The following UBE3D variants were observed in gnomAD, a reference collection of about 807,000 sequenced individuals.
The protein encoded by UBE3D is ubiquitin protein ligase E3D.
A neutral mutation model predicts 49.6 loss-of-function variants in UBE3D; 48 were observed. The observed-to-expected ratio is 0.97, with a 90% confidence interval of 0.77 to 1.23. The LOEUF (loss-of-function observed/expected upper bound fraction) is 1.23. Ranked by LOEUF, UBE3D falls within the 50% of genes most tolerant of loss-of-function variation. The pLI is 0.00. For synonymous variants in UBE3D, 189 were observed against 174.2 expected, an observed-to-expected ratio of 1.08 and a Z score of -0.67; for missense variants, 452 against 468.4, an observed-to-expected ratio of 0.96 and a Z score of 0.32.
chr6:82,925,339 C>T (rs539468977), intron 9 of UBE3D, among the ~76,000 whole-genome samples: 1 of 152,262 alleles, frequency 6.6e-6, no homozygotes, highest in Non-Finnish European at 1.5e-5. Context: ...GCCTACACAG[C>T]ACTTTTTCAA....
rs796584199 is a variant in UBE3D, at chr6:82,969,942, A to G, written c.1011-12492T>C. Among the ~76,000 whole-genome samples the G allele has an allele frequency of 4.0e-5, 6 of 151,640 alleles. No individual in the cohort carries two copies. The South Asian group carries it at 1.2e-3, about 31-fold the overall frequency. On this transcript the variant is annotated intron_variant, in intron 8 of 9. Coordinates refer to ENST00000369747, the MANE Select transcript of UBE3D (RefSeq NM_198920.3). ...TAATAAAACTAATGTAATCAAGTCA[A>G]AATGGTGTTAATATAGAAGTAGACA...
intron 9 of UBE3D, among the ~76,000 whole-genome samples, chr6:82,940,732 G>A (rs1185653356): frequency 6.6e-6 from 1 of 152,110 alleles, no homozygotes; most frequent in African/African-American, 2.4e-5. Flanking sequence ...CATATATAAT[G>A]TCCCCAAGGC....
intron 5 of UBE3D, among the ~76,000 whole-genome samples, chr6:83,033,791 T>A (rs993035671): frequency 5.3e-5 from 8 of 152,200 alleles, no homozygotes; most frequent in African/African-American, 1.7e-4. Flanking sequence ...TATTTCTTTA[T>A]AGCAATGGAG....
chr6:82,999,723 C>A (rs1363610519), intron 8 of UBE3D, among the ~76,000 whole-genome samples: 3 of 152,068 alleles, frequency 2.0e-5, no homozygotes, highest in Non-Finnish European at 2.9e-5. Context: ...CAGTCTAACC[C>A]CACCTGCCTA....
intron 8 of UBE3D, among the ~76,000 whole-genome samples, chr6:82,961,539 G>A (rs1020713572): frequency 5.9e-5 from 9 of 152,144 alleles, no homozygotes; most frequent in African/African-American, 1.7e-4. Context: ...AGGTCAGCCC[G>A]AATGCAAAGT....
chr6:83,033,155 G>T (rs927418868), intron 5 of UBE3D, among the ~76,000 whole-genome samples: 2 of 152,040 alleles, frequency 1.3e-5, no homozygotes, highest in African/African-American at 2.4e-5. Flanking sequence ...GGTGAAAGCA[G>T]GGATGAGAGA....
chr6:82,895,082 C>T (rs767769791), intron 9 of UBE3D, among the ~76,000 whole-genome samples: 7 of 152,134 alleles, frequency 4.6e-5, no homozygotes, highest in Admixed American at 1.3e-4. Flanking sequence ...GAGGCCAAGG[C>T]AGGCAGATGG....
chr6:82,984,196 A>C (rs1778307046), intron 8 of UBE3D, among the ~76,000 whole-genome samples: 1 of 152,098 alleles, frequency 6.6e-6, no homozygotes, highest in African/African-American at 2.4e-5. Context: ...CACACTATAC[A>C]CTTTCTTCTT....
intron 8 of UBE3D, among the ~76,000 whole-genome samples, chr6:82,973,984 T>C (rs1459357820): frequency 6.6e-6 from 1 of 152,196 alleles, no homozygotes; most frequent in Non-Finnish European, 1.5e-5. Context: ...CACCCCCAGA[T>C]GGGACTGTCT....
intron 9 of UBE3D, among the ~76,000 whole-genome samples, chr6:82,954,796 C>A (rs188950733): frequency 1.4e-4 from 22 of 152,304 alleles, no homozygotes; most frequent in African/African-American, 5.3e-4. Context: ...CTAATCCTGA[C>A]ACACACTTTC....
chr6:82,938,720 G>A (rs1269920209), intron 9 of UBE3D: 7 of 152,176 alleles, frequency 4.6e-5, no homozygotes, highest in South Asian at 2.1e-4. Flanking sequence ...TACAGTTTTC[G>A]TTCTTGAAAT....
chr6:82,946,268 T>TAAC (rs1775392594), intron 9 of UBE3D, among the ~76,000 whole-genome samples: 1 of 151,572 alleles, frequency 6.6e-6, no homozygotes, highest in African/African-American at 2.4e-5. Context: ...AACAGAAAAG[T>TAAC]AACAAATAAC....
intron 3 of UBE3D, among the ~76,000 whole-genome samples, chr6:83,046,532 G>A (rs1453421602): frequency 6.6e-6 from 1 of 151,980 alleles, no homozygotes; most frequent in Non-Finnish European, 1.5e-5. Flanking sequence ...CATTCTACTG[G>A]CACAAAATAT....
chr6:83,048,156 G>A (rs977608457), intron 3 of UBE3D, among the ~76,000 whole-genome samples: 1 of 148,504 alleles, frequency 6.7e-6, no homozygotes, highest in African/African-American at 2.5e-5. Flanking sequence ...CAGGTCCTTA[G>A]AATATATTCC....
chr6:83,054,107 T>A, intron 3 of UBE3D, 41 bp downstream of exon 3: 1 of 1,514,114 alleles, frequency 6.6e-7, no homozygotes, highest in African/African-American at 1.4e-5. Flanking sequence ...AGATAACCAT[T>A]GCCAGGCACA....
intron 1 of UBE3D, 22 bp downstream of exon 1, chr6:83,065,620 C>T: frequency 6.2e-7 from 1 of 1,612,650 alleles, no homozygotes; most frequent in Non-Finnish European, 8.5e-7. Context: ...CTGGGCACTG[C>T]GCCTAGAATC....
At chr6:82,941,974 T>C (rs1775047603) in intron 9 of UBE3D, among the ~76,000 whole-genome samples, 1 of 152,172 alleles carries the variant, frequency 6.6e-6, no homozygotes, top group African/African-American at 2.4e-5. Flanking sequence ...AGTGGGGTGC[T>C]GCTATAAATA....
chr6:82,929,261 T>C (rs901021319), intron 9 of UBE3D, among the ~76,000 whole-genome samples: 1 of 152,080 alleles, frequency 6.6e-6, no homozygotes. Context: ...CTGATGGAGA[T>C]CAACACTGAC....
intron 9 of UBE3D, among the ~76,000 whole-genome samples, chr6:82,953,201 C>T (rs111821567): frequency 6.6e-6 from 1 of 152,216 alleles, no homozygotes; most frequent in Non-Finnish European, 1.5e-5. Flanking sequence ...CACCTCTGCA[C>T]CTCTAATGCC....
Sources: gnomAD v4.1 joint callset for allele counts (sites outside exome capture counted in the v4.1 genomes callset) on GRCh38, gnomAD v4.1.1 for gene constraint, MANE v1.5 for transcripts, NCBI Gene and HGNC (gene_info 2026-07-23, HGNC 2026-07-21) for gene names.